Variants in ZC3H12B observed in about 807,000 individuals in gnomAD.
ZC3H12B encodes the protein probable ribonuclease ZC3H12B.
In ZC3H12B, 7 loss-of-function variants were observed where a neutral mutation model predicts 43.9. The observed-to-expected ratio is 0.16, with a 90% CI of 0.09 to 0.30. ZC3H12B has a LOEUF of 0.30. ZC3H12B is among the 10% of genes least tolerant of loss of function. The pLI is 1.00. For missense variants in ZC3H12B, 475 were observed against 670.2 expected (o/e 0.71, Z 3.22); for synonymous variants, 222 against 241.7 (o/e 0.92, Z 0.76).
At chrX:65,041,806 A>G in the ZC3H12B span, among the ~76,000 whole-genome samples, 1 of 111,991 alleles carries the variant, frequency 8.9e-6, no homozygotes, top group Non-Finnish European at 1.9e-5. Flanking sequence ...GAGTGCATGC[A>G]TATTGGTACT....
At chrX:65,167,224 G>A in the ZC3H12B span, among the ~76,000 whole-genome samples, 1 of 111,693 alleles carries the variant, frequency 9.0e-6, no homozygotes, top group African/African-American at 3.3e-5. Context: ...TTTGTATAAG[G>A]TGTAAGGAAG....
At chrX:65,399,530 A>T (rs1038604638) in intron 3 of ZC3H12B, among the ~76,000 whole-genome samples, 3 of 112,068 alleles carry the variant, frequency 2.7e-5, no homozygotes, top group African/African-American at 9.7e-5. Flanking sequence ...GACAGGCAAT[A>T]ACAAATGCTG....
At chrX:65,255,684 C>G in the ZC3H12B span, among the ~76,000 whole-genome samples, 1 of 112,101 alleles carries the variant, frequency 8.9e-6, no homozygotes, top group Non-Finnish European at 1.9e-5. Flanking sequence ...CCATACCTGT[C>G]AGTACTAACT....
chrX:65,369,414 TA>T lies in ZC3H12B; in HGVS notation n.295+417del, dbSNP rs1306599066. Among the ~76,000 whole-genome samples the T allele has an allele frequency of 2.7e-5, 3 of 112,081 alleles. No homozygotes were observed. In the Admixed American group the frequency reaches 2.8e-4, roughly 11 times the overall value. On this transcript the variant is annotated intron_variant and non_coding_transcript_variant, in intron 2 of 5. Coordinates refer to the ZC3H12B transcript ENST00000617377. The stretch of plus-strand genomic sequence containing the variant: ...AGGTTATTTGACTTGCCTAAGATCA[TA>T]TAGATATTAAGTTTAGGGTTTTGTT...
chrX:65,425,235 A>G (rs991412019), intron 3 of ZC3H12B, among the ~76,000 whole-genome samples: 14 of 110,728 alleles, frequency 1.3e-4, no homozygotes, highest in African/African-American at 4.3e-4. Flanking sequence ...GCATTTGTGA[A>G]TGGGAATTCA....
chrX:65,120,554 A>G, the ZC3H12B span, among the ~76,000 whole-genome samples: 3 of 111,611 alleles, frequency 2.7e-5, no homozygotes, highest in Admixed American at 1.9e-4. Context: ...TTAGGCTGAG[A>G]CGATGGGGTT....
chrX:65,479,648 G>A (rs888762838), intron 3 of ZC3H12B, among the ~76,000 whole-genome samples: 14 of 111,809 alleles, frequency 1.3e-4, no homozygotes, highest in Non-Finnish European at 2.3e-4. Flanking sequence ...GATTACATGT[G>A]AGAGCCACCG....
At chrX:65,235,859 G>A in the ZC3H12B span, among the ~76,000 whole-genome samples, 1 of 111,424 alleles carries the variant, frequency 9.0e-6, no homozygotes, top group Admixed American at 9.6e-5. Context: ...CCATGTTTTG[G>A]CATGTTCTGG....
At chrX:65,302,507 A>T in the ZC3H12B span, among the ~76,000 whole-genome samples, 1 of 112,283 alleles carries the variant, frequency 8.9e-6, no homozygotes, top group Middle Eastern at 4.6e-3. Context: ...GAAAAAAATT[A>T]AAGAAGAACT....
At chrX:65,187,628 C>A in the ZC3H12B span, among the ~76,000 whole-genome samples, 1 of 109,197 alleles carries the variant, frequency 9.2e-6, no homozygotes, top group Non-Finnish European at 1.9e-5. Flanking sequence ...TTGCACCAGC[C>A]CAACCTAAAT....
rs182775047 is a variant in ZC3H12B at position 65,467,977 on chromosome X, T to A, written n.408-20669T>A. Among the ~76,000 whole-genome samples, 118 of 112,348 alleles carry A rather than the reference T, an allele frequency of 1.1e-3. 1 individual carries two copies. The highest frequency in any genetic ancestry group is 4.6e-3 in the Middle Eastern group (1 of 217). On this transcript the variant is annotated intron_variant and non_coding_transcript_variant, in intron 3 of 5. Transcript: ENST00000617377. ...TTTAGTTTAATTAGGTCCCATTTATTTTTGTTGTAGTTGCATTTGTTTTAG... is the reference window on the plus strand; with the variant it reads ...TTTAGTTTAATTAGGTCCCATTTATATTTGTTGTAGTTGCATTTGTTTTAG...
the ZC3H12B span, among the ~76,000 whole-genome samples, chrX:65,309,908 A>G: frequency 8.9e-6 from 1 of 112,127 alleles, no homozygotes; most frequent in Non-Finnish European, 1.9e-5. Context: ...CCACATAATT[A>G]TCTCAATAGA....
At position 65,447,047 on chromosome X, in the gene ZC3H12B, G is replaced by T. The variant is rs190309482; in HGVS notation, n.408-41599G>T. Among the ~76,000 whole-genome samples, 61 of 111,274 alleles carry T rather than the reference G, an allele frequency of 5.5e-4. No individual in the cohort carries two copies. The South Asian group carries it at 0.011, about 19-fold the overall frequency. On this transcript the variant is annotated intron_variant and non_coding_transcript_variant, in intron 3 of 5. Coordinates refer to the ZC3H12B transcript ENST00000617377. ...GGCTTCTTAATTTAGATGTCTATTTGGTTCTTCAGAACCAATTCTTCAGAT... is the reference window on the plus strand; with the variant it reads ...GGCTTCTTAATTTAGATGTCTATTTTGTTCTTCAGAACCAATTCTTCAGAT...
exon 5 of ZC3H12B, chrX:65,505,449 T>C (rs2068415951): frequency 8.9e-6 from 1 of 112,673 alleles, no homozygotes. Flanking sequence ...TTACATTCTA[T>C]CTCCTATCTT....
At chrX:65,109,241 A>G in the ZC3H12B span, among the ~76,000 whole-genome samples, 1 of 111,758 alleles carries the variant, frequency 8.9e-6, no homozygotes, top group Non-Finnish European at 1.9e-5. Flanking sequence ...CTTAAAGTGT[A>G]CAATTTGATG....
chrX:65,443,528 T>C (rs1319311337), intron 3 of ZC3H12B, among the ~76,000 whole-genome samples: 4 of 112,457 alleles, frequency 3.6e-5, no homozygotes, highest in Non-Finnish European at 7.5e-5. Context: ...AGCAAACCAG[T>C]CATTAGCATT....
intron 2 of ZC3H12B, among the ~76,000 whole-genome samples, chrX:65,388,962 A>G (rs1283785658): frequency 9.0e-6 from 1 of 111,577 alleles, no homozygotes; most frequent in Non-Finnish European, 1.9e-5. Flanking sequence ...GATATTGGTG[A>G]GCAGCAAATA....
chrX:65,281,854 G>T, the ZC3H12B span, among the ~76,000 whole-genome samples: 2 of 111,978 alleles, frequency 1.8e-5, no homozygotes, highest in Non-Finnish European at 3.8e-5. Context: ...TTTCTGCACA[G>T]CAAAGGAGAC....
rs1005300039 is a variant in ZC3H12B, at chrX:65,447,109, C to T, written n.408-41537C>T. Among the ~76,000 whole-genome samples, 6 of 111,307 alleles carry T rather than the reference C, an allele frequency of 5.4e-5. No individual in the cohort carries two copies. The East Asian group carries it at 1.7e-3, about 31-fold the overall frequency. ...CAGCAATCATTTCTTCAAATAAGCC[C>T]CCTTCCCAATCTAATCTCCCTCTTC... On this transcript the variant is annotated intron_variant and non_coding_transcript_variant, in intron 3 of 5. Transcript: ENST00000617377.
Sources: gnomAD v4.1 joint callset for allele counts (sites outside exome capture counted in the v4.1 genomes callset) on GRCh38, gnomAD v4.1.1 for gene constraint, MANE v1.5 for transcripts, NCBI Gene and HGNC (gene_info 2026-07-23, HGNC 2026-07-21) for gene names.